The following CDH9 variants were observed in gnomAD, a reference collection of about 807,000 sequenced individuals.
The protein encoded by CDH9 is cadherin 9, also known as cadherin-9.
A neutral mutation model predicts 70.9 loss-of-function variants in CDH9; 28 were observed. The ratio of observed to expected loss-of-function variants is 0.40; its 90% CI spans 0.29 to 0.54. The LOEUF (loss-of-function observed/expected upper bound fraction) is 0.54. Ranked by LOEUF, CDH9 falls within the 20% of genes least tolerant of loss-of-function variation. The pLI, the probability that CDH9 is intolerant of heterozygous loss-of-function variation, is 0.59. For missense variants in CDH9, 874 were observed against 984.4 expected (o/e 0.89, Z 1.50); for synonymous variants, 409 against 343.1 (o/e 1.19, Z -2.12).
chr5:27,011,169 C>A (rs1742948965), intron 1 of CDH9, among the ~76,000 whole-genome samples: 2 of 152,030 alleles, frequency 1.3e-5, no homozygotes, highest in Admixed American at 1.3e-4. Context: ...ATTTGGTCAA[C>A]AGTTCTGATG....
At chr5:26,914,631 G>T (rs557205694) in intron 3 of CDH9, among the ~76,000 whole-genome samples, 14 of 151,802 alleles carry the variant, frequency 9.2e-5, no homozygotes, top group African/African-American at 3.4e-4. Flanking sequence ...AAAAATTCTT[G>T]GTTCTTCCTG....
Position 26,906,125 on chromosome 5 carries a change from G to A in CDH9, c.645C>T (p.Gly215=). ...QPYFSVDPES[G]IIKTALPDMS... Reference sequence around the variant, plus strand: ...TGTCTGGTAATGCAGTTTTTATTATGCCTTTTGGAAAAAGCAGACAAAAGT... The same window carrying A: ...TGTCTGGTAATGCAGTTTTTATTATACCTTTTGGAAAAAGCAGACAAAAGT... Residue 215 remains glycine (G), a splice_region_variant and synonymous_variant, in exon 5 of 12, where the codon GGC becomes GGT. Transcript: ENST00000231021. 3 of 1,607,142 alleles carry A rather than the reference G, an allele frequency of 1.9e-6. No homozygotes were observed. The highest frequency in any genetic ancestry group is 1.1e-5 in the South Asian group (1 of 89,504).
intron 2 of CDH9, among the ~76,000 whole-genome samples, chr5:26,980,712 G>A (rs1016266999): frequency 3.9e-5 from 6 of 151,930 alleles, no homozygotes; most frequent in African/African-American, 1.2e-4. Context: ...TGATTCTAGT[G>A]CAAAATTAAG....
intron 1 of CDH9, among the ~76,000 whole-genome samples, chr5:27,005,434 C>T (rs906339967): frequency 6.6e-6 from 1 of 152,016 alleles, no homozygotes; most frequent in Non-Finnish European, 1.5e-5. Context: ...TATCACTGAT[C>T]ATTAGAAAAA....
intron 2 of CDH9, among the ~76,000 whole-genome samples, chr5:26,972,583 T>C (rs889012882): frequency 2.0e-5 from 3 of 152,032 alleles, no homozygotes; most frequent in African/African-American, 7.2e-5. Context: ...TCAGTCTGAG[T>C]TTGGGTGAAA....
chr5:26,945,345 C>T (rs570211453), intron 2 of CDH9, among the ~76,000 whole-genome samples: 2 of 151,962 alleles, frequency 1.3e-5, no homozygotes, highest in South Asian at 4.2e-4. Context: ...TAAAATAATG[C>T]ATATCATTTA....
rs549149112 is a variant in CDH9 at position 26,893,706 on chromosome 5, TA to T, written c.1254-3143del. On this transcript the variant is annotated intron_variant, in intron 7 of 11. Coordinates refer to ENST00000231021, the MANE Select transcript of CDH9 (RefSeq NM_016279.4). Reference sequence around the variant, plus strand: ...ATTTTATTTTATTTTATTTTATTTTTATTTTTGGAAGCAAATGTCATGCTGG... The same window carrying T: ...ATTTTATTTTATTTTATTTTATTTTTTTTTTGGAAGCAAATGTCATGCTGG... Among the ~76,000 whole-genome samples the T allele has an allele frequency of 6.4e-3, 572 of 89,864 alleles. 3 individuals carry two copies. Among genetic ancestry groups the T allele is most frequent in the African/African-American group, 0.015 (461 of 29,996 alleles). The allele number at this position is 89,864 out of a possible 152,430, so 59.0% of individuals were successfully genotyped here.
At chr5:26,977,261 T>C (rs1742316327) in intron 2 of CDH9, among the ~76,000 whole-genome samples, 1 of 151,978 alleles carries the variant, frequency 6.6e-6, no homozygotes, top group South Asian at 2.1e-4. Context: ...GATAATTTTA[T>C]GAAAATCTAA....
chr5:26,885,321 C>T (rs972351188), intron 11 of CDH9, among the ~76,000 whole-genome samples: 1 of 152,038 alleles, frequency 6.6e-6, no homozygotes, highest in Admixed American at 6.6e-5. Context: ...AATCAAATGT[C>T]CTTAGAACAG....
In CDH9 at chr5:26,999,136, T is replaced by C. The variant is rs190748204; in HGVS notation, c.-49-10754A>G. ...GGTGTGCACCTGTGGTCCCAGCTACTTGGGAGGCTGAGGCAGGGGAATCAC... is the reference window on the plus strand; with the variant it reads ...GGTGTGCACCTGTGGTCCCAGCTACCTGGGAGGCTGAGGCAGGGGAATCAC... On this transcript the variant is annotated intron_variant, in intron 1 of 11. Coordinates refer to ENST00000231021, the MANE Select transcript of CDH9 (RefSeq NM_016279.4). Among the ~76,000 whole-genome samples, 542 of 151,998 alleles carry C rather than the reference T, an allele frequency of 3.6e-3. 5 individuals carry two copies. Among genetic ancestry groups the C allele is most frequent in the African/African-American group, 0.013 (519 of 41,472 alleles).
intron 2 of CDH9, among the ~76,000 whole-genome samples, chr5:26,967,003 G>A (rs1742140228): frequency 6.6e-6 from 1 of 152,114 alleles, no homozygotes; most frequent in Non-Finnish European, 1.5e-5. Context: ...TGAGATCACA[G>A]CTCGTTGCAG....
intron 2 of CDH9, among the ~76,000 whole-genome samples, 156 bp downstream of exon 2, chr5:26,987,950 C>T (rs2112091350): frequency 6.6e-6 from 1 of 152,138 alleles, no homozygotes; most frequent in Non-Finnish European, 1.5e-5. Context: ...AATATGGTTC[C>T]TTGTTCTTCC....
intron 2 of CDH9, among the ~76,000 whole-genome samples, chr5:26,985,023 A>G (rs1189374494): frequency 6.6e-6 from 1 of 152,082 alleles, no homozygotes; most frequent in Non-Finnish European, 1.5e-5. Context: ...AATGAAAGAA[A>G]ACTCATTATT....
At chr5:26,973,783 T>C (rs942874486) in intron 2 of CDH9, among the ~76,000 whole-genome samples, 4 of 152,226 alleles carry the variant, frequency 2.6e-5, no homozygotes, top group African/African-American at 9.6e-5. Flanking sequence ...AAACAGTGTT[T>C]ACAATGCCTT....
chr5:26,915,088 T>C (rs1386748583), intron 3 of CDH9, among the ~76,000 whole-genome samples: 3 of 152,004 alleles, frequency 2.0e-5, no homozygotes, highest in African/African-American at 7.2e-5. Context: ...CTTGCAATCT[T>C]GTCATGATGC....
intron 1 of CDH9, among the ~76,000 whole-genome samples, chr5:27,022,552 T>TA (rs1743156182): frequency 6.6e-6 from 1 of 152,100 alleles, no homozygotes; most frequent in Non-Finnish European, 1.5e-5. Context: ...CCACACAATT[T>TA]AAAATAGATA....
intron 2 of CDH9, among the ~76,000 whole-genome samples, chr5:26,974,948 CA>C (rs1435011792): frequency 6.6e-6 from 1 of 152,160 alleles, no homozygotes; most frequent in African/African-American, 2.4e-5. Flanking sequence ...TCCATCCTAT[CA>C]CTAACAGTTT....
chr5:27,004,966 G>A (rs141546099), intron 1 of CDH9, among the ~76,000 whole-genome samples: 61 of 152,114 alleles, frequency 4.0e-4, no homozygotes, highest in African/African-American at 1.4e-3. Flanking sequence ...CAGTATCAAT[G>A]GAGAGCAACA....
chr5:26,982,975 G>T (rs181873468), intron 2 of CDH9, among the ~76,000 whole-genome samples: 171 of 152,112 alleles, frequency 1.1e-3, no homozygotes, highest in African/African-American at 3.8e-3. Context: ...GTGAGCCACC[G>T]CGCCTGGTCT....
Sources: gnomAD v4.1 joint callset for allele counts (sites outside exome capture counted in the v4.1 genomes callset) on GRCh38, gnomAD v4.1.1 for gene constraint, MANE v1.5 for transcripts, NCBI Gene and HGNC (gene_info 2026-07-23, HGNC 2026-07-21) for gene names.